THBS2: variants seen among roughly 807,000 people sequenced by gnomAD.
The protein encoded by THBS2 is thrombospondin 2, also known as thrombospondin-2.
Under a neutral mutation model 135.2 loss-of-function variants are expected in THBS2, and 47 were observed. That is an observed-to-expected ratio of 0.35 (90% CI 0.28 to 0.44). THBS2 has a LOEUF of 0.44. Ranked by LOEUF, THBS2 falls within the 20% of genes least tolerant of loss-of-function variation. The pLI is 1.00. For synonymous variants in THBS2, 639 were observed against 633.8 expected (o/e 1.01, Z -0.12); for missense variants, 1,288 against 1,603.1 (o/e 0.80, Z 3.36).
intron 4 of THBS2, 77 bp downstream of exon 4, chr6:169,246,120 C>T (rs1251478607): frequency 1.6e-6 from 2 of 1,257,694 alleles, no homozygotes; most frequent in Non-Finnish European, 2.3e-6. Flanking sequence ...CACACATACA[C>T]ACACACACAT....
intron 4 of THBS2, chr6:169,245,962 G>T (rs895256353): frequency 5.3e-6 from 2 of 374,276 alleles, no homozygotes; most frequent in Non-Finnish European, 4.8e-6. Context: ...AAATTATTTG[G>T]ATGATTAAAA....
At chr6:169,245,791 C>CAAA (rs77953553) in intron 4 of THBS2, among the ~76,000 whole-genome samples, 1 of 84,930 alleles carries the variant, frequency 1.2e-5, no homozygotes. Context: ...GACTCTGGCT[C>CAAA]AAAAAAAAAA....
intron 21 of THBS2, 71 bp downstream of exon 21, chr6:169,220,127 C>A: frequency 6.5e-7 from 1 of 1,545,736 alleles, no homozygotes; most frequent in Non-Finnish European, 8.8e-7. Flanking sequence ...AGTGGAAGAG[C>A]GCACTGTGTA....
intron 8 of THBS2, 56 bp from the exon 9 acceptor site, chr6:169,237,402 G>C: frequency 6.3e-7 from 1 of 1,599,806 alleles, no homozygotes; most frequent in South Asian, 1.1e-5. Flanking sequence ...GTATTTGCCT[G>C]TAAGCGGTGT....
At chr6:169,242,881 CA>C (rs1440246345) in intron 4 of THBS2, among the ~76,000 whole-genome samples, 17 of 91,398 alleles carry the variant, frequency 1.9e-4, no homozygotes, top group Admixed American at 3.5e-4. Flanking sequence ...ACCTTCCCAC[CA>C]CTCCCACCTT....
intron 15 of THBS2, 72 bp from the exon 16 acceptor site, chr6:169,226,370 G>T: frequency 1.6e-6 from 2 of 1,214,878 alleles, no homozygotes; most frequent in Non-Finnish European, 1.2e-6. Flanking sequence ...AAAGCACATT[G>T]TTTTTCCTAT....
chr6:169,232,122 T>A lies in THBS2; in HGVS notation c.2009A>T (p.His670Leu), dbSNP rs143976396. 522 of 1,614,134 alleles carry A rather than the reference T, an allele frequency of 3.2e-4. 2 individuals are homozygous for A. The African/African-American group carries it at 6.4e-3, about 20-fold the overall frequency. Reference protein sequence around the residue: ...HKHAECIYLGHFSDPMYKCEC... With the variant: ...HKHAECIYLGLFSDPMYKCEC... Reference sequence around the variant, plus strand: ...GCACTTGTACATGGGGTCGCTGAAGTGGCCCAGGTAGATGCACTCCGCGTG... The same window carrying A: ...GCACTTGTACATGGGGTCGCTGAAGAGGCCCAGGTAGATGCACTCCGCGTG... The change falls in exon 13 of 22, where the codon CAC becomes CTC. Residue 670 changes from histidine to leucine, a missense_variant. This residue lies in a region of THBS2 where 874 missense variants were observed against 1,156.1 expected (regional missense o/e 0.76). Coordinates refer to ENST00000617924, the MANE Select transcript of THBS2 (RefSeq NM_003247.5).
At chr6:169,228,073 T>TC in intron 15 of THBS2, 49 bp downstream of exon 15, 42 of 1,405,916 alleles carry the variant, frequency 3.0e-5, no homozygotes, top group Admixed American at 4.8e-5. Context: ...AAACTCCATC[T>TC]CAAAAAAAAA....
At chr6:169,220,926 C>G (rs1435936877) in intron 20 of THBS2, among the ~76,000 whole-genome samples, 4 of 152,206 alleles carry the variant, frequency 2.6e-5, no homozygotes, top group African/African-American at 9.6e-5. Context: ...GATCTTGGTG[C>G]TTATTAACTT....
intron 21 of THBS2, among the ~76,000 whole-genome samples, chr6:169,219,209 T>C (rs1401085487): frequency 7.5e-6 from 1 of 132,724 alleles, no homozygotes; most frequent in African/African-American, 3.0e-5. Flanking sequence ...GATGGATGGA[T>C]GAAATGGATG....
At chr6:169,237,146 G>T (rs1212728827) in intron 9 of THBS2, 24 bp downstream of exon 9, 5 of 1,584,554 alleles carry the variant, frequency 3.2e-6, no homozygotes, top group Non-Finnish European at 4.3e-6. Flanking sequence ...CGCCCACCCA[G>T]GGCCCCGCCT....
At chr6:169,236,995 A>C (rs1780118341) in intron 9 of THBS2, among the ~76,000 whole-genome samples, 175 bp downstream of exon 9, 1 of 152,256 alleles carries the variant, frequency 6.6e-6, no homozygotes, top group Admixed American at 6.5e-5. Context: ...TTAATCACAA[A>C]GGATGGGTTC....
rs557927111 is a variant in THBS2 at position 169,249,060 on chromosome 6, G to T, written c.53-87C>A. ...CCAGGGTGACAAACCAGAACCTCGC[G>T]TGTAAGGAAATTAACGAGGCCTCCC... On this transcript the variant is annotated intron_variant, in intron 2 of 21. Transcript: ENST00000617924. 336 of 1,318,946 alleles carry T rather than the reference G, an allele frequency of 2.5e-4. 1 individual carries two copies. The highest frequency in any genetic ancestry group is 3.3e-4 in the Non-Finnish European group (321 of 972,746). 81.7% of individuals were successfully genotyped at this position (1,318,946 alleles called of 1,614,324 possible).
At chr6:169,248,390 C>A (rs1351272611) in intron 3 of THBS2, 27 bp downstream of exon 3, 2 of 1,573,768 alleles carry the variant, frequency 1.3e-6, no homozygotes, top group African/African-American at 1.3e-5. Context: ...TCCTCCCTCA[C>A]GGCGGCCACC....
Position 169,240,449 on chromosome 6 carries a change from C to T in THBS2, c.1032+3G>A. On this transcript the variant is annotated splice_donor_region_variant and intron_variant, in intron 6 of 21. Coordinates refer to ENST00000617924, the MANE Select transcript of THBS2 (RefSeq NM_003247.5). The stretch of plus-strand genomic sequence containing the variant: ...CCCCAAGAGCCGTGTTCTGGGGCCT[C>T]ACCTTGCAGGTACACGTGGTGCAGC... 1 of 1,613,114 alleles carries T rather than the reference C, an allele frequency of 6.2e-7. No individual in the cohort carries two copies. The highest frequency in any genetic ancestry group is 8.5e-7 in the Non-Finnish European group (1 of 1,179,860).
At chr6:169,232,247 C>T (rs529858978) in intron 12 of THBS2, 49 bp from the exon 13 acceptor site, 23 of 1,597,604 alleles carry the variant, frequency 1.4e-5, no homozygotes, top group Middle Eastern at 1.7e-4. Context: ...ACGATGGCTC[C>T]GGAGGCGTCG....
chr6:169,234,696 C>A, intron 10 of THBS2, 38 bp downstream of exon 10: 1 of 1,457,656 alleles, frequency 6.9e-7, no homozygotes, highest in South Asian at 1.5e-5. Context: ...AGAATGGAAG[C>A]CCGGGTTTCA....
intron 15 of THBS2, among the ~76,000 whole-genome samples, chr6:169,227,566 G>T (rs889598136): frequency 6.6e-6 from 1 of 152,172 alleles, no homozygotes; most frequent in Admixed American, 6.5e-5. Flanking sequence ...GCAAGGCTGG[G>T]GTCAGAGAGA....
chr6:169,249,266 A>T (rs1282062616), intron 2 of THBS2, among the ~76,000 whole-genome samples: 1 of 152,040 alleles, frequency 6.6e-6, no homozygotes, highest in Admixed American at 6.6e-5. Context: ...AAATCGGTGG[A>T]GACAGGCAGC....
Sources: allele counts gnomAD v4.1 joint callset (sites outside exome capture counted in the v4.1 genomes callset), GRCh38; gene constraint gnomAD v4.1.1; regional missense constraint gnomAD v4.1.1; transcripts MANE v1.5; gene names NCBI Gene and HGNC (gene_info 2026-07-23, HGNC 2026-07-21).